KLF8: variants seen among roughly 807,000 people sequenced by gnomAD.
The protein encoded by KLF8 is Krueppel-like factor 8.
Under a neutral mutation model 18.2 loss-of-function variants are expected in KLF8, and 10 were observed. That is an observed-to-expected ratio of 0.55 (90% confidence interval 0.34 to 0.93). The LOEUF (loss-of-function observed/expected upper bound fraction) is 0.93. KLF8 is among the 40% of genes least tolerant of loss of function. KLF8 has a pLI of 0.02. For missense variants in KLF8, 264 were observed against 277.9 expected (o/e 0.95, Z 0.36); for synonymous variants, 109 against 97.3 (o/e 1.12, Z -0.71).
chrX:56,030,832 G>C, the KLF8 span, among the ~76,000 whole-genome samples: 1 of 108,652 alleles, frequency 9.2e-6, no homozygotes, highest in Non-Finnish European at 1.9e-5. Flanking sequence ...TTCTGTCAGC[G>C]GGTGGAGTGA....
At chrX:56,007,572 C>T in the KLF8 span, among the ~76,000 whole-genome samples, 2 of 111,112 alleles carry the variant, frequency 1.8e-5, no homozygotes, top group Non-Finnish European at 3.8e-5. Context: ...CCTCTCCTTC[C>T]ATGCCTTAGA....
At chrX:56,259,214 C>T (rs1449943515) in intron 2 of KLF8, among the ~76,000 whole-genome samples, 3 of 110,508 alleles carry the variant, frequency 2.7e-5, no homozygotes, top group Non-Finnish European at 5.7e-5. Context: ...TCTCTCTCCC[C>T]CCATTTTATT....
chrX:56,233,738 C>T (rs1281259036), intron 1 of KLF8, among the ~76,000 whole-genome samples: 1 of 111,893 alleles, frequency 8.9e-6, no homozygotes, highest in Non-Finnish European at 1.9e-5. Flanking sequence ...CCCAGGTAAC[C>T]CCCTGAAGCC....
the KLF8 span, among the ~76,000 whole-genome samples, chrX:55,986,725 T>C: frequency 8.9e-6 from 1 of 111,998 alleles, no homozygotes; most frequent in Non-Finnish European, 1.9e-5. Context: ...GTTCACAGAG[T>C]TAATGTACAA....
At chrX:56,054,914 T>A in the KLF8 span, among the ~76,000 whole-genome samples, 1 of 111,792 alleles carries the variant, frequency 8.9e-6, no homozygotes, top group Non-Finnish European at 1.9e-5. Context: ...TTGTGCTTTC[T>A]TTTTTTTCCA....
chrX:55,940,529 ACAAT>A, the KLF8 span, among the ~76,000 whole-genome samples: 7 of 111,753 alleles, frequency 6.3e-5, no homozygotes, highest in South Asian at 2.7e-3. Context: ...TCTGGCCAGG[ACAAT>A]CAGTCAGGAG....
chrX:55,925,678 G>T, the KLF8 span, among the ~76,000 whole-genome samples: 1 of 111,373 alleles, frequency 9.0e-6, no homozygotes, highest in Non-Finnish European at 1.9e-5. Context: ...CAATTAGAGT[G>T]GACAAGATGG....
chrX:56,160,773 C>G, the KLF8 span, among the ~76,000 whole-genome samples: 2 of 111,035 alleles, frequency 1.8e-5, no homozygotes, highest in Non-Finnish European at 3.8e-5. Context: ...TATTTTGAGC[C>G]TATGTGTGTC....
the KLF8 span, among the ~76,000 whole-genome samples, chrX:55,945,864 A>C: frequency 4.2e-4 from 47 of 111,259 alleles, no homozygotes; most frequent in African/African-American, 1.5e-3. Flanking sequence ...GAGCCAAATC[A>C]TGAGTGAACT....
At chrX:56,248,609 C>G (rs1480742423) in intron 1 of KLF8, among the ~76,000 whole-genome samples, 1 of 111,483 alleles carries the variant, frequency 9.0e-6, no homozygotes, top group African/African-American at 3.3e-5. Flanking sequence ...TGTGTGAATG[C>G]AGAGGGAGAA....
At chrX:56,192,421 T>G in the KLF8 span, among the ~76,000 whole-genome samples, 1 of 111,625 alleles carries the variant, frequency 9.0e-6, no homozygotes, top group Non-Finnish European at 1.9e-5. Flanking sequence ...CAATGCAATC[T>G]CGATCAAAAC....
chrX:56,168,689 G>T, the KLF8 span, among the ~76,000 whole-genome samples: 1 of 98,036 alleles, frequency 1.0e-5, no homozygotes, highest in Non-Finnish European at 2.0e-5. Context: ...GATGTTCCCT[G>T]TCTTGTGTCC....
chrX:56,133,439 G>A, the KLF8 span, among the ~76,000 whole-genome samples: 1 of 111,792 alleles, frequency 8.9e-6, no homozygotes, highest in African/African-American at 3.2e-5. Flanking sequence ...AATAGATACA[G>A]AAAAACATTT....
the KLF8 span, among the ~76,000 whole-genome samples, chrX:56,140,527 A>G: frequency 9.0e-6 from 1 of 111,413 alleles, no homozygotes; most frequent in Non-Finnish European, 1.9e-5. Context: ...AATAATGCAT[A>G]TTCTTTTATA....
chrX:55,928,016 C>A, the KLF8 span, among the ~76,000 whole-genome samples: 1 of 112,086 alleles, frequency 8.9e-6, no homozygotes, highest in Non-Finnish European at 1.9e-5. Context: ...TTCATTAATG[C>A]CTTTTTTACT....
chrX:56,213,762 C>A, the KLF8 span, among the ~76,000 whole-genome samples: 2 of 111,602 alleles, frequency 1.8e-5, no homozygotes, highest in Non-Finnish European at 3.8e-5. Context: ...ACAGTCAGCA[C>A]TCTTTTAGCT....
the KLF8 span, among the ~76,000 whole-genome samples, chrX:56,000,660 C>T: frequency 3.6e-5 from 4 of 110,400 alleles, no homozygotes; most frequent in African/African-American, 6.6e-5. Context: ...GTCAGATGAT[C>T]GGTTGTATTT....
chrX:56,029,681 T>A, the KLF8 span, among the ~76,000 whole-genome samples: 1 of 112,277 alleles, frequency 8.9e-6, no homozygotes, highest in Non-Finnish European at 1.9e-5. Flanking sequence ...TTGCTCTGCA[T>A]CACCTTGCTT....
chrX:55,930,947 T>C, the KLF8 span, among the ~76,000 whole-genome samples: 1 of 112,156 alleles, frequency 8.9e-6, no homozygotes, highest in African/African-American at 3.2e-5. Flanking sequence ...TGGAATAGTT[T>C]CAGAAGGAAT....
Sources: gnomAD v4.1 joint callset for allele counts (sites outside exome capture counted in the v4.1 genomes callset) on GRCh38, gnomAD v4.1.1 for gene constraint, MANE v1.5 for transcripts, NCBI Gene and HGNC (gene_info 2026-07-23, HGNC 2026-07-21) for gene names.